Variants in CACNA1G observed in about 807,000 individuals in gnomAD.
CACNA1G encodes the protein calcium voltage-gated channel subunit alpha1 G.
A neutral mutation model predicts 219.4 loss-of-function variants in CACNA1G; 67 were observed. That is an observed-to-expected ratio of 0.31 (90% confidence interval 0.25 to 0.37). The LOEUF is 0.37. Ranked by LOEUF, CACNA1G falls within the 10% of genes least tolerant of loss-of-function variation. The pLI is 1.00. For missense variants in CACNA1G, 2,380 were observed against 3,231.4 expected, an observed-to-expected ratio of 0.74 and a Z score of 6.39; for synonymous variants, 1,296 against 1,345.3, an observed-to-expected ratio of 0.96 and a Z score of 0.80.
chr17:50,571,678 C>T lies in CACNA1G; in HGVS notation c.587-200C>T, dbSNP rs2039472676. Among the ~76,000 whole-genome samples the T allele has an allele frequency of 6.6e-6, 1 of 152,166 alleles. No individual in the cohort carries two copies. The highest frequency in any genetic ancestry group is 1.5e-5 in the Non-Finnish European group (1 of 68,022). On this transcript the variant is annotated intron_variant, in intron 4 of 37. Coordinates refer to ENST00000359106, the MANE Select transcript of CACNA1G (RefSeq NM_018896.5). The surrounding 1 kb of genome is among the most constrained non-coding windows in gnomAD (Gnocchi z 4.3). The stretch of plus-strand genomic sequence containing the variant: ...TGTGCAGATTACCGTGGGCAAGCCA[C>T]AAGGGGAAGTGGGTCGGGGCAAGGG...
At chr17:50,587,774 C>T (rs2043280941) in intron 9 of CACNA1G, among the ~76,000 whole-genome samples, 1 of 152,102 alleles carries the variant, frequency 6.6e-6, no homozygotes, top group Non-Finnish European at 1.5e-5. Flanking sequence ...CTGGCACAGC[C>T]CTTGACAAAG....
At chr17:50,590,123 G>A (rs1037840221) in intron 9 of CACNA1G, among the ~76,000 whole-genome samples, 5 of 152,156 alleles carry the variant, frequency 3.3e-5, no homozygotes, top group African/African-American at 4.8e-5. Flanking sequence ...GCCTGGGCCC[G>A]CTAGGCTTGC....
chr17:50,578,101 C>T lies in CACNA1G; in HGVS notation c.1925-87C>T. ...CCCATCACTGTAACAACCCCAGACT[C>T]CCTGACTCATTTTACACATACTCAC... On this transcript the variant is annotated intron_variant, in intron 8 of 37. Coordinates refer to ENST00000359106, the MANE Select transcript of CACNA1G (RefSeq NM_018896.5). This position sits in a 1 kb window ranked among gnomAD's most constrained non-coding sequence, Gnocchi z 4.5. 6.9e-7 allele frequency: 1 copy of T among 1,453,164 alleles called. No individual in the cohort carries two copies. Among genetic ancestry groups the T allele is most frequent in the South Asian group, 1.5e-5 (1 of 67,654 alleles). 90.0% of individuals were successfully genotyped at this position (1,453,164 alleles called of 1,614,324 possible). A position where few individuals can be genotyped will look rare whatever the true frequency, so the allele number is the denominator to read the frequency against.
intron 10 of CACNA1G, among the ~76,000 whole-genome samples, 188 bp downstream of exon 10, chr17:50,590,810 CTT>C (rs1000269937): frequency 1.3e-5 from 2 of 152,170 alleles, no homozygotes; most frequent in African/African-American, 2.4e-5. Flanking sequence ...CCATCTCTCT[CTT>C]GGCCCCACCT....
At chr17:50,606,586 T>C in intron 23 of CACNA1G, 1 of 540,534 alleles carries the variant, frequency 1.9e-6, no homozygotes, top group Middle Eastern at 5.0e-4. Flanking sequence ...ATGCAGAAAA[T>C]GAAATTGCTC....
chr17:50,562,327 C>T (rs2144229051), intron 1 of CACNA1G, among the ~76,000 whole-genome samples: 1 of 152,214 alleles, frequency 6.6e-6, no homozygotes, highest in Middle Eastern at 3.4e-3. Context: ...GCCCACCTCA[C>T]CCCCCACCTC....
intron 17 of CACNA1G, 107 bp downstream of exon 17, chr17:50,599,966 T>C: frequency 9.0e-7 from 1 of 1,106,962 alleles, no homozygotes; most frequent in Non-Finnish European, 1.3e-6. Context: ...GCCCACGGAA[T>C]ATCAAGGGGC....
Position 50,626,596 on chromosome 17 carries a change from C to T in CACNA1G, c.6979C>T (p.Pro2327Ser). The change falls in exon 38 of 38, where the codon CCT becomes TCT. Residue 2327 changes from proline (P) to serine (S), a missense_variant. Pro to Ser is a moderately conservative substitution (Grantham distance 74). This residue lies in a region of CACNA1G where 672 missense variants were observed against 670.5 expected (regional missense o/e 1.00). Transcript: ENST00000359106. This position sits in a 1 kb window ranked among gnomAD's most constrained non-coding sequence, Gnocchi z 4.3. The part of the protein sequence containing the change: ...ESQGPRTPPS[P>S]GICLRRRAPS... ...CCAAGGTCCTCGGACCCCGCCCAGC[C>T]CTGGTATCTGCCTCCGGAGGAGGGC... The T allele has an allele frequency of 6.2e-7, 1 of 1,612,716 alleles. No individual in the cohort carries two copies. The highest frequency in any genetic ancestry group is 8.5e-7 in the Non-Finnish European group (1 of 1,179,554).
chr17:50,618,549 C>T lies in CACNA1G; in HGVS notation c.5428-106C>T. 9.4e-7 allele frequency: 1 copy of T among 1,063,458 alleles called. No individual in the cohort carries two copies. Among genetic ancestry groups the T allele is most frequent in the Non-Finnish European group, 1.4e-6 (1 of 718,846 alleles). The allele number at this position is 1,063,458 out of a possible 1,614,324, so 65.9% of individuals were successfully genotyped here. The stretch of plus-strand genomic sequence containing the variant: ...CCCCCAAACACTCCCTCCTCCTCCC[C>T]TTCCTTCCCATCCTCCAATGCTCTG... On this transcript the variant is annotated intron_variant, in intron 32 of 37. Transcript: ENST00000359106. The surrounding 1 kb of genome is among the most constrained non-coding windows in gnomAD (Gnocchi z 5.3).
At chr17:50,616,225 C>T (rs777909652) in intron 27 of CACNA1G, 50 bp from the exon 28 acceptor site, 2 of 1,186,238 alleles carry the variant, frequency 1.7e-6, no homozygotes, top group Admixed American at 3.5e-5. Context: ...GGGGACAAGC[C>T]CCAGCCCTGG....
intron 1 of CACNA1G, 109 bp from the exon 2 acceptor site, chr17:50,568,761 C>A: frequency 1.2e-6 from 1 of 829,326 alleles, no homozygotes; most frequent in Admixed American, 2.0e-5. Flanking sequence ...ACCACACCTG[C>A]TTAGCCTCAG....
chr17:50,616,944 T>C (rs2050721739), intron 28 of CACNA1G, among the ~76,000 whole-genome samples: 1 of 152,178 alleles, frequency 6.6e-6, no homozygotes. Flanking sequence ...GAGTTCAAGC[T>C]GTCCTTTCAC....
At position 50,599,506 on chromosome 17, in the gene CACNA1G, C is replaced by T; in HGVS notation, c.3337C>T (p.Leu1113Phe). The change falls in exon 17 of 38, where the codon CTC (leucine) becomes TTC (phenylalanine). Residue 1113 changes from leucine (L) to phenylalanine (F), a missense_variant. Around this residue, in one of 17 missense-constraint regions of CACNA1G, gnomAD observed 418 missense variants for 434.3 expected, o/e 0.96. Transcript: ENST00000359106. ...CAGCAGGCGCTCCAGCCGGAACAGCCTCGGCCGTGCACCCAGCCTGAAGCG... is the reference window on the plus strand; with the variant it reads ...CAGCAGGCGCTCCAGCCGGAACAGCTTCGGCCGTGCACCCAGCCTGAAGCG... ...WTSRRSSRNS[L>F]GRAPSLKRRS... 6.2e-7 allele frequency: 1 copy of T among 1,606,034 alleles called. No individual in the cohort carries two copies. Among genetic ancestry groups the T allele is most frequent in the Non-Finnish European group, 8.5e-7 (1 of 1,176,788 alleles).
At chr17:50,565,633 G>A (rs1369597454) in intron 1 of CACNA1G, among the ~76,000 whole-genome samples, 4 of 152,072 alleles carry the variant, frequency 2.6e-5, no homozygotes, top group Non-Finnish European at 5.9e-5. Context: ...GAATGGGGCC[G>A]CTGGAGGGCC....
intron 10 of CACNA1G, among the ~76,000 whole-genome samples, chr17:50,591,086 A>G (rs2044228680): frequency 6.6e-6 from 1 of 152,260 alleles, no homozygotes; most frequent in African/African-American, 2.4e-5. Flanking sequence ...GCCTGGGGCC[A>G]GGAGAACCAC....
chr17:50,608,430 C>G (rs972663189), intron 25 of CACNA1G, among the ~76,000 whole-genome samples: 4 of 151,650 alleles, frequency 2.6e-5, no homozygotes, highest in African/African-American at 9.7e-5. Context: ...CTGCAGCTGC[C>G]GAGCAAAGCC....
chr17:50,621,949 C>T lies in CACNA1G; in HGVS notation c.6060+155C>T, dbSNP rs2052217464. ...ATCAACTGTCAGGACCTCGGTGGCCCACGCTTTGCTGGCACAAGGTCTTCA... is the reference window on the plus strand; with the variant it reads ...ATCAACTGTCAGGACCTCGGTGGCCTACGCTTTGCTGGCACAAGGTCTTCA... On this transcript the variant is annotated intron_variant, in intron 35 of 37. Transcript: ENST00000359106. The surrounding 1 kb of genome is among the most constrained non-coding windows in gnomAD (Gnocchi z 4.6). Among the ~76,000 whole-genome samples, 1 of 152,084 alleles carries T rather than the reference C, an allele frequency of 6.6e-6. No individual in the cohort carries two copies. Among genetic ancestry groups the T allele is most frequent in the Non-Finnish European group, 1.5e-5 (1 of 68,016 alleles).
At chr17:50,605,497 G>A (rs1228107357) in intron 22 of CACNA1G, among the ~76,000 whole-genome samples, 2 of 152,146 alleles carry the variant, frequency 1.3e-5, no homozygotes, top group South Asian at 2.1e-4. Flanking sequence ...TCACCAGAAC[G>A]GCTTGTTAAA....
intron 8 of CACNA1G, 45 bp downstream of exon 8, chr17:50,576,371 C>T: frequency 2.6e-6 from 4 of 1,536,892 alleles, no homozygotes; most frequent in Non-Finnish European, 3.5e-6. Flanking sequence ...CGTCTGGGGA[C>T]TGGGTGGCGT....
Sources: allele counts gnomAD v4.1 joint callset (sites outside exome capture counted in the v4.1 genomes callset), GRCh38; gene constraint gnomAD v4.1.1; regional missense constraint gnomAD v4.1.1; non-coding constraint Gnocchi (gnomAD v3.1); transcripts MANE v1.5; gene names NCBI Gene and HGNC (gene_info 2026-07-23, HGNC 2026-07-21).